Variants in CHL1 observed in about 807,000 individuals in gnomAD.
CHL1 encodes the protein cell adhesion molecule L1 like, also known as neural cell adhesion molecule L1-like protein.
CHL1 carries 96 observed loss-of-function variants against 141.9 expected under a neutral mutation model. That is an observed-to-expected ratio of 0.68 (90% CI 0.57 to 0.80). The LOEUF (loss-of-function observed/expected upper bound fraction) is 0.80. Ranked by LOEUF, CHL1 falls within the 30% of genes least tolerant of loss-of-function variation. The probability of loss-of-function intolerance (pLI) is 0.00; values close to 1 mark genes in which losing one functional copy is unlikely to be tolerated. For synonymous variants in CHL1, 613 were observed against 502.2 expected, an observed-to-expected ratio of 1.22 and a Z score of -2.95; for missense variants, 1,820 against 1,457.2, an observed-to-expected ratio of 1.25 and a Z score of -4.05.
chr3:319,909 T>C (rs1700427894), intron 3 of CHL1, 42 bp downstream of exon 3: 3 of 1,163,322 alleles, frequency 2.6e-6, no homozygotes, highest in Non-Finnish European at 3.8e-6. Context: ...GAATTTCATA[T>C]TTGCATTTTG....
At position 341,922 on chromosome 3, in the gene CHL1, C is replaced by T; in HGVS notation, c.519C>T (p.His173=). The part of the protein sequence containing the change: ...HIYWMNIELE[H]IEQDERVYMS... ...GATATCTCTTTTCAGAATTAGAACA[C>T]ATCGAACAAGATGAAAGAGTATACA... The change falls in exon 7 of 28, where the codon CAC becomes CAT. Residue 173 remains histidine (H), a synonymous_variant. Transcript: ENST00000256509. The T allele has an allele frequency of 6.2e-7, 1 of 1,604,544 alleles. No homozygotes were observed. The highest frequency in any genetic ancestry group is 8.5e-7 in the Non-Finnish European group (1 of 1,172,980).
intron 1 of CHL1, among the ~76,000 whole-genome samples, chr3:223,872 A>G (rs1199716236): frequency 6.6e-6 from 1 of 152,176 alleles, no homozygotes; most frequent in African/African-American, 2.4e-5. Flanking sequence ...TCTTACATGA[A>G]GTCACTTCTT....
chr3:370,155 T>C (rs1575191036), intron 15 of CHL1, among the ~76,000 whole-genome samples: 1 of 152,196 alleles, frequency 6.6e-6, no homozygotes, highest in Admixed American at 6.5e-5. Context: ...TTGTGTGGAA[T>C]AGTTTTAGAA....
At chr3:275,221 G>A (rs1029636203) in intron 2 of CHL1, among the ~76,000 whole-genome samples, 8 of 152,224 alleles carry the variant, frequency 5.3e-5, no homozygotes, top group African/African-American at 1.7e-4. Flanking sequence ...GCTCTTAGTC[G>A]CAGTGTGGCT....
At chr3:376,550 A>G (rs1284507361) in intron 15 of CHL1, 1 of 370,224 alleles carries the variant, frequency 2.7e-6, no homozygotes, top group African/African-American at 2.2e-5. Flanking sequence ...ACTTGCCAAA[A>G]AAATTGGTAG....
chr3:344,571 T>C lies in CHL1; in HGVS notation c.728-18T>C. 1 of 1,592,532 alleles carries C rather than the reference T, an allele frequency of 6.3e-7. No individual in the cohort carries two copies. The highest frequency in any genetic ancestry group is 1.7e-4 in the Middle Eastern group (1 of 5,892). ...TATTAATTTGAAAAAATTCTGACTT[T>C]TCTTTTCTATTTTGTAGCAAATTCC... On this transcript the variant is annotated intron_variant, in intron 8 of 27. Coordinates refer to ENST00000256509, the MANE Select transcript of CHL1 (RefSeq NM_006614.4).
chr3:344,567 A>C, intron 8 of CHL1, 22 bp from the exon 9 acceptor site: 2 of 1,584,520 alleles, frequency 1.3e-6, no homozygotes, highest in Non-Finnish European at 1.7e-6. Context: ...AAAAATTCTG[A>C]CTTTTCTTTT....
intron 16 of CHL1, among the ~76,000 whole-genome samples, chr3:378,164 C>G (rs1048749245): frequency 2.6e-5 from 4 of 152,040 alleles, no homozygotes; most frequent in Non-Finnish European, 5.9e-5. Flanking sequence ...TGTTAATTTG[C>G]CAATAGCAGT....
At chr3:360,799 A>C (rs555388964) in intron 12 of CHL1, among the ~76,000 whole-genome samples, 1 of 130,400 alleles carries the variant, frequency 7.7e-6, no homozygotes, top group Non-Finnish European at 1.6e-5. Flanking sequence ...TGTCCATGTG[A>C]TCTCATTGTT....
At chr3:358,424 C>G (rs926371736) in intron 11 of CHL1, among the ~76,000 whole-genome samples, 1 of 152,116 alleles carries the variant, frequency 6.6e-6, no homozygotes, top group African/African-American at 2.4e-5. Context: ...AATTTTCCTA[C>G]CTCAATGTCC....
chr3:254,077 C>T (rs1034854549), intron 2 of CHL1, among the ~76,000 whole-genome samples: 1 of 152,226 alleles, frequency 6.6e-6, no homozygotes, highest in Non-Finnish European at 1.5e-5. Context: ...GAACCAGCTG[C>T]TTCCCCAGCT....
In CHL1 at chr3:363,322, C is replaced by T. The variant is rs1318486271; in HGVS notation, c.1524C>T (p.Tyr508=). Residue 508 remains tyrosine (Y), a synonymous_variant, in exon 14 of 28, where the codon TAC becomes TAT. Coordinates refer to ENST00000256509, the MANE Select transcript of CHL1 (RefSeq NM_006614.4). The stretch of plus-strand genomic sequence containing the variant: ...CCACCGAAGAAGATGCTGGGTCTTA[C>T]TCATGTTGGGTAGAAAATGCTATAG... ...NRTTEEDAGS[Y]SCWVENAIGK... 1 of 1,613,628 alleles carries T rather than the reference C, an allele frequency of 6.2e-7. No individual in the cohort carries two copies.
chr3:313,579 T>C (rs1699921047), intron 2 of CHL1, among the ~76,000 whole-genome samples: 1 of 152,132 alleles, frequency 6.6e-6, no homozygotes, highest in Non-Finnish European at 1.5e-5. Context: ...AAGTGATTAT[T>C]AGGAAATGAT....
intron 9 of CHL1, 75 bp from the exon 10 acceptor site, chr3:349,284 T>C (rs1703037610): frequency 7.9e-7 from 1 of 1,262,760 alleles, no homozygotes; most frequent in South Asian, 1.3e-5. Context: ...TGATAAAGGA[T>C]GTGTCCTAAG....
chr3:356,724 TGAG>T (rs1208401389), intron 11 of CHL1, among the ~76,000 whole-genome samples: 1 of 151,904 alleles, frequency 6.6e-6, no homozygotes, highest in Admixed American at 6.6e-5. Flanking sequence ...AGAGGTGTGT[TGAG>T]GAGGAGAAAA....
In CHL1 at chr3:205,658, T is replaced by C. The variant is rs149283515; in HGVS notation, c.-175+8595T>C. Among the ~76,000 whole-genome samples, 342 of 152,272 alleles carry C rather than the reference T, an allele frequency of 2.2e-3. 2 individuals carry two copies. The highest frequency in any genetic ancestry group is 7.1e-3 in the African/African-American group (296 of 41,554). On this transcript the variant is annotated intron_variant, in intron 1 of 27. Transcript: ENST00000256509. Reference sequence around the variant, plus strand: ...GTGTGTGTCTGTGTGTGTGTGTGTGTGCGCGCGCACGTGTATGTGTGGGTC... The same window carrying C: ...GTGTGTGTCTGTGTGTGTGTGTGTGCGCGCGCGCACGTGTATGTGTGGGTC...
intron 6 of CHL1, among the ~76,000 whole-genome samples, chr3:341,489 T>C (rs924280891): frequency 3.3e-5 from 5 of 152,200 alleles, no homozygotes; most frequent in African/African-American, 1.2e-4. Flanking sequence ...ATATCACGGA[T>C]AAAACTTTTG....
At position 293,844 on chromosome 3, in the gene CHL1, C is replaced by G. The variant is rs548632002; in HGVS notation, c.-94-25839C>G. On this transcript the variant is annotated intron_variant, in intron 2 of 27. Coordinates refer to ENST00000256509, the MANE Select transcript of CHL1 (RefSeq NM_006614.4). The stretch of plus-strand genomic sequence containing the variant: ...TTTGAGATGGAGTCTTGCTCTGTCA[C>G]TCAGCCTCTGGGGTTCAAGCAATTC... Among the ~76,000 whole-genome samples, 12 of 148,746 alleles carry G rather than the reference C, an allele frequency of 8.1e-5. No homozygotes were observed. The East Asian group carries it at 2.4e-3, about 30-fold the overall frequency.
rs79559537 is a variant in CHL1 at position 309,679 on chromosome 3, A to T, written c.-94-10004A>T. On this transcript the variant is annotated intron_variant, in intron 2 of 27. Coordinates refer to ENST00000256509, the MANE Select transcript of CHL1 (RefSeq NM_006614.4). ...CACGTACCCTATGCCTTGCTAATTT[A>T]AAAAAAGAAAATCTTTGTAGAGATG... is the stretch of plus-strand genomic sequence containing the variant. Among the ~76,000 whole-genome samples the T allele has an allele frequency of 6.9e-3, 1,055 of 151,974 alleles. 11 individuals carry two copies. Among genetic ancestry groups the T allele is most frequent in the African/African-American group, 0.024 (1,001 of 41,452 alleles).
Sources: gnomAD v4.1 joint callset for allele counts (sites outside exome capture counted in the v4.1 genomes callset) on GRCh38, gnomAD v4.1.1 for gene constraint, MANE v1.5 for transcripts, NCBI Gene and HGNC (gene_info 2026-07-23, HGNC 2026-07-21) for gene names.